The following PLXNC1 variants were observed in gnomAD, a reference collection of about 807,000 sequenced individuals.
PLXNC1 encodes the protein plexin C1.
PLXNC1 carries 75 observed loss-of-function variants against 178.2 expected under a neutral mutation model. The observed-to-expected ratio is 0.42, with a 90% CI of 0.35 to 0.51. PLXNC1 has a LOEUF of 0.51. Ranked by LOEUF, PLXNC1 falls within the 20% of genes least tolerant of loss-of-function variation. The pLI is 0.02. For synonymous variants in PLXNC1, 790 were observed against 779.9 expected, an observed-to-expected ratio of 1.01 and a Z score of -0.22; for missense variants, 1,503 against 1,984.4, an observed-to-expected ratio of 0.76 and a Z score of 4.61.
chr12:94,275,635 C>T lies in PLXNC1; in HGVS notation c.3598-3837C>T, dbSNP rs1387270959. On this transcript the variant is annotated intron_variant, in intron 21 of 30. Coordinates refer to ENST00000258526, the MANE Select transcript of PLXNC1 (RefSeq NM_005761.3). Reference sequence around the variant, plus strand: ...TTGGGAGGCCGAGGCGGGCGGATCACGAGGTCAGGAGATCGAGACCATCCC... The same window carrying T: ...TTGGGAGGCCGAGGCGGGCGGATCATGAGGTCAGGAGATCGAGACCATCCC... 2.3e-5 allele frequency among the ~76,000 whole-genome samples: 2 copies of T among 86,752 alleles called. 1 individual carries two copies. The highest frequency in any genetic ancestry group is 4.7e-5 in the Non-Finnish European group (2 of 42,780). The allele number at this position is 86,752 out of a possible 152,430, so 56.9% of individuals were successfully genotyped here.
At chr12:94,177,524 A>C (rs574540961) in intron 2 of PLXNC1, among the ~76,000 whole-genome samples, 2 of 147,666 alleles carry the variant, frequency 1.4e-5, no homozygotes, top group East Asian at 2.0e-4. Context: ...AGAGAGAGAG[A>C]GGGAGAAAGA....
chr12:94,274,325 CCTGT>C (rs1965785767), intron 21 of PLXNC1, among the ~76,000 whole-genome samples: 2 of 151,866 alleles, frequency 1.3e-5, no homozygotes, highest in African/African-American at 4.8e-5. Flanking sequence ...AGAGTGAGAC[CCTGT>C]CTATTAAAAA....
intron 1 of PLXNC1, among the ~76,000 whole-genome samples, chr12:94,154,044 A>G (rs867961323): frequency 2.6e-5 from 4 of 152,242 alleles, no homozygotes; most frequent in Non-Finnish European, 5.9e-5. Flanking sequence ...ATATGCAAAA[A>G]TGGATTCAAA....
At chr12:94,268,806 C>T (rs188383330) in intron 21 of PLXNC1, among the ~76,000 whole-genome samples, 1 of 152,022 alleles carries the variant, frequency 6.6e-6, no homozygotes, top group East Asian at 1.9e-4. Flanking sequence ...TGTTGGCTAG[C>T]CTGGTCTTGA....
chr12:94,187,046 G>T (rs943218174), intron 4 of PLXNC1, among the ~76,000 whole-genome samples: 2 of 152,220 alleles, frequency 1.3e-5, no homozygotes, highest in African/African-American at 4.8e-5. Flanking sequence ...CGGCTTCCCC[G>T]CCATGGCAGT....
intron 17 of PLXNC1, among the ~76,000 whole-genome samples, chr12:94,258,238 C>T (rs1964909342): frequency 6.6e-6 from 1 of 152,178 alleles, no homozygotes; most frequent in African/African-American, 2.4e-5. Context: ...GTTGGTTCAG[C>T]AGAAAAATAT....
At chr12:94,271,244 T>C (rs988538558) in intron 21 of PLXNC1, among the ~76,000 whole-genome samples, 5 of 152,214 alleles carry the variant, frequency 3.3e-5, no homozygotes, top group Non-Finnish European at 5.9e-5. Flanking sequence ...TAATAAATTA[T>C]CTTACAGTTA....
intron 2 of PLXNC1, among the ~76,000 whole-genome samples, chr12:94,177,129 G>GTGTATA (rs374905966): frequency 0.015 from 1,228 of 82,812 alleles, 37 homozygotes; most frequent in African/African-American, 0.052. Flanking sequence ...GTGTGTGTGT[G>GTGTATA]TATATATATG....
intron 9 of PLXNC1, among the ~76,000 whole-genome samples, chr12:94,231,031 C>T (rs1025894543): frequency 1.3e-5 from 2 of 152,138 alleles, no homozygotes; most frequent in Non-Finnish European, 2.9e-5. Flanking sequence ...AGTAAAAATA[C>T]AAGATTTTAA....
At chr12:94,163,336 C>CGACA (rs1339615216) in intron 1 of PLXNC1, among the ~76,000 whole-genome samples, 1 of 151,906 alleles carries the variant, frequency 6.6e-6, no homozygotes, top group Non-Finnish European at 1.5e-5. Context: ...CCAGCCTGGG[C>CGACA]GACACAGTGA....
At chr12:94,192,141 A>T (rs991317909) in intron 4 of PLXNC1, among the ~76,000 whole-genome samples, 4 of 152,210 alleles carry the variant, frequency 2.6e-5, no homozygotes, top group Non-Finnish European at 4.4e-5. Flanking sequence ...AGCCCATAAA[A>T]TCCAAAATTA....
intron 4 of PLXNC1, among the ~76,000 whole-genome samples, chr12:94,188,426 C>T (rs566766374): frequency 2.9e-4 from 44 of 150,844 alleles, no homozygotes; most frequent in Middle Eastern, 3.4e-3. Flanking sequence ...AGGTTCAAGC[C>T]GATTCTCCTG....
chr12:94,292,611 T>C (rs118188494), intron 23 of PLXNC1, among the ~76,000 whole-genome samples: 170 of 152,360 alleles, frequency 1.1e-3, no homozygotes, highest in Middle Eastern at 6.8e-3. Context: ...AATATTTGCA[T>C]ACACATAATG....
At position 94,267,068 on chromosome 12, in the gene PLXNC1, C is replaced by T. The variant is rs138157918; in HGVS notation, c.3597+1843C>T. ...GCACAGGGCCTGTTGACTCACCTTT[C>T]GCTGATCCTGGGCTTGTTATTCCTA... On this transcript the variant is annotated intron_variant, in intron 21 of 30. Transcript: ENST00000258526. Among the ~76,000 whole-genome samples, 419 of 152,330 alleles carry T rather than the reference C, an allele frequency of 2.8e-3. 3 individuals carry two copies. Among genetic ancestry groups the T allele is most frequent in the African/African-American group, 9.6e-3 (400 of 41,574 alleles).
chr12:94,297,574 C>T, intron 26 of PLXNC1, 151 bp downstream of exon 26: 1 of 618,596 alleles, frequency 1.6e-6, no homozygotes, highest in East Asian at 2.8e-5. Flanking sequence ...ACTTCCTACC[C>T]AGTTCCTCTT....
chr12:94,194,702 C>T (rs531988400), intron 4 of PLXNC1, among the ~76,000 whole-genome samples: 5 of 152,112 alleles, frequency 3.3e-5, no homozygotes, highest in Admixed American at 1.3e-4. Flanking sequence ...TTCAGTGAGC[C>T]GTGATTGTAC....
intron 14 of PLXNC1, among the ~76,000 whole-genome samples, chr12:94,249,033 A>T (rs867535225): frequency 1.1e-4 from 17 of 152,178 alleles, no homozygotes; most frequent in Non-Finnish European, 2.2e-4. Context: ...GGCTCTGTAC[A>T]GCCTATATAA....
In PLXNC1 at chr12:94,254,893, G is replaced by C; in HGVS notation, c.2983+5G>C. The C allele has an allele frequency of 6.2e-7, 1 of 1,602,526 alleles. No individual in the cohort carries two copies. Reference sequence around the variant, plus strand: ...TCCGGAAAGAGATACGTGACGGTAGGCTCCAAAATTGTGTTTGTAGAAAAA... The same window carrying C: ...TCCGGAAAGAGATACGTGACGGTAGCCTCCAAAATTGTGTTTGTAGAAAAA... On this transcript the variant is annotated splice_donor_5th_base_variant and intron_variant, in intron 16 of 30. Coordinates refer to ENST00000258526, the MANE Select transcript of PLXNC1 (RefSeq NM_005761.3).
In PLXNC1 at chr12:94,164,661, G is replaced by GCACA. The variant is rs3060912; in HGVS notation, c.1063-4450_1063-4447dup. 2.0e-3 allele frequency among the ~76,000 whole-genome samples: 291 copies of GCACA among 148,820 alleles called. 3 individuals carry two copies. The highest frequency in any genetic ancestry group is 8.6e-3 in the East Asian group (43 of 4,992). Reference sequence around the variant, plus strand: ...CCTCATGATATGCCCATGACTCCCTGCACACACACACACACACACACACAC... The same window carrying GCACA: ...CCTCATGATATGCCCATGACTCCCTGCACACACACACACACACACACACACACAC... On this transcript the variant is annotated intron_variant, in intron 1 of 30. Coordinates refer to ENST00000258526, the MANE Select transcript of PLXNC1 (RefSeq NM_005761.3).
Sources: gnomAD v4.1 joint callset for allele counts (sites outside exome capture counted in the v4.1 genomes callset) on GRCh38, gnomAD v4.1.1 for gene constraint, MANE v1.5 for transcripts, NCBI Gene and HGNC (gene_info 2026-07-23, HGNC 2026-07-21) for gene names.